Variants in MCF2L2 observed in about 807,000 individuals in gnomAD.
The protein encoded by MCF2L2 is MCF.2 cell line derived transforming sequence-like 2.
MCF2L2 carries 102 observed loss-of-function variants against 150.2 expected under a neutral mutation model. The observed-to-expected ratio is 0.68, with a 90% confidence interval of 0.58 to 0.80. The LOEUF is 0.80. Ranked by LOEUF, MCF2L2 falls within the 30% of genes least tolerant of loss-of-function variation. The pLI is 0.00. For synonymous variants in MCF2L2, 465 were observed against 491.3 expected, an observed-to-expected ratio of 0.95 and a Z score of 0.71; for missense variants, 1,256 against 1,372.8, an observed-to-expected ratio of 0.91 and a Z score of 1.34.
intron 25 of MCF2L2, among the ~76,000 whole-genome samples, chr3:183,195,759 C>T (rs75679834): frequency 1.7e-4 from 26 of 152,112 alleles, no homozygotes; most frequent in African/African-American, 5.6e-4. Flanking sequence ...TTCCTCGGCC[C>T]GATATTTGAG....
chr3:183,220,483 T>C (rs1279388190), intron 20 of MCF2L2, among the ~76,000 whole-genome samples: 1 of 152,216 alleles, frequency 6.6e-6, no homozygotes, highest in African/African-American at 2.4e-5. Flanking sequence ...CCCCTTATCA[T>C]TAAACATTTA....
chr3:183,397,483 A>C (rs7642106), intron 1 of MCF2L2, among the ~76,000 whole-genome samples: 67,431 of 152,088 alleles, frequency 0.44, 15,741 homozygotes, highest in African/African-American at 0.61. Context: ...TGTCCACCTC[A>C]CAGAGGCCCC....
rs559595357 is a variant in MCF2L2, at chr3:183,323,228, T to C, written c.603+7A>G. 6.3e-7 allele frequency: 1 copy of C among 1,582,886 alleles called. No homozygotes were observed. Among genetic ancestry groups the C allele is most frequent in the East Asian group, 2.2e-5 (1 of 44,570 alleles). ...ACAGTGAAAAGCACACGTAAGCTGG[T>C]ACTCACAGTGCGGTGATTTACCCAC... On this transcript the variant is annotated splice_region_variant and intron_variant, in intron 6 of 29. Transcript: ENST00000328913.
chr3:183,263,548 C>T (rs1336612465), intron 15 of MCF2L2, among the ~76,000 whole-genome samples: 2 of 152,018 alleles, frequency 1.3e-5, no homozygotes, highest in East Asian at 1.9e-4. Context: ...TCTCCTTCTC[C>T]GGAGTTTATT....
intron 10 of MCF2L2, among the ~76,000 whole-genome samples, chr3:183,306,715 T>C (rs900041516): frequency 2.0e-5 from 3 of 152,254 alleles, no homozygotes; most frequent in African/African-American, 7.2e-5. Context: ...ATTGTGCCAG[T>C]CTATCTGCTT....
intron 15 of MCF2L2, among the ~76,000 whole-genome samples, chr3:183,257,146 G>GA (rs1312416853): frequency 6.6e-6 from 1 of 152,138 alleles, no homozygotes; most frequent in Non-Finnish European, 1.5e-5. Context: ...TGCACAGATG[G>GA]AACATCTAAT....
chr3:183,395,651 G>A (rs1350491394), intron 1 of MCF2L2, among the ~76,000 whole-genome samples: 3 of 152,158 alleles, frequency 2.0e-5, no homozygotes, highest in Non-Finnish European at 2.9e-5. Context: ...GGGTGCAGTG[G>A]CTCATGCCTG....
intron 2 of MCF2L2, among the ~76,000 whole-genome samples, chr3:183,387,232 C>T (rs1306701530): frequency 1.3e-5 from 2 of 149,802 alleles, no homozygotes; most frequent in African/African-American, 2.5e-5. Flanking sequence ...GCCACTGCAC[C>T]CCAGCCTGGG....
At chr3:183,210,986 T>G (rs1047266978) in intron 22 of MCF2L2, among the ~76,000 whole-genome samples, 4 of 151,708 alleles carry the variant, frequency 2.6e-5, no homozygotes, top group African/African-American at 9.7e-5. Context: ...CAGGAGGAAG[T>G]GGTGACCAGC....
chr3:183,182,167 G>A (rs1576902870), intron 27 of MCF2L2, among the ~76,000 whole-genome samples: 1 of 152,126 alleles, frequency 6.6e-6, no homozygotes, highest in African/African-American at 2.4e-5. Context: ...GCCTCCAGGC[G>A]AGGATTTGCC....
chr3:183,274,668 G>A (rs1577013448), intron 15 of MCF2L2, among the ~76,000 whole-genome samples: 1 of 152,080 alleles, frequency 6.6e-6, no homozygotes, highest in Admixed American at 6.6e-5. Context: ...CTATATTTGG[G>A]GACTTTAATT....
rs1231674909 is a variant in MCF2L2, at chr3:183,216,210, G to A, written c.2371-116C>T. ...CCAGCCAACCCTGACTGAGAAGGGT[G>A]GATATTGATCTGTCTCCCTGCTCCC... On this transcript the variant is annotated intron_variant, in intron 21 of 29. Coordinates refer to ENST00000328913, the MANE Select transcript of MCF2L2 (RefSeq NM_015078.4). 6.3e-6 allele frequency: 7 copies of A among 1,114,830 alleles called. No individual in the cohort carries two copies. In the Admixed American group the frequency reaches 8.2e-5, roughly 13 times the overall value. 69.1% of individuals were successfully genotyped at this position (1,114,830 alleles called of 1,614,324 possible).
At chr3:183,201,257 A>G (rs1407557256) in intron 25 of MCF2L2, among the ~76,000 whole-genome samples, 1 of 152,190 alleles carries the variant, frequency 6.6e-6, no homozygotes, top group Non-Finnish European at 1.5e-5. Flanking sequence ...CCTATCCATG[A>G]GCATGGAATG....
chr3:183,369,210 G>T (rs554450681), intron 3 of MCF2L2, among the ~76,000 whole-genome samples: 2 of 152,088 alleles, frequency 1.3e-5, no homozygotes, highest in African/African-American at 2.4e-5. Flanking sequence ...AGTCTTACAC[G>T]CCTCGTTATC....
At position 183,227,800 on chromosome 3, in the gene MCF2L2, AG is replaced by A. The variant is rs1299285697; in HGVS notation, c.2115+496del. On this transcript the variant is annotated intron_variant, in intron 18 of 29. Coordinates refer to ENST00000328913, the MANE Select transcript of MCF2L2 (RefSeq NM_015078.4). The surrounding 1 kb of genome is among the most constrained non-coding windows in gnomAD (Gnocchi z 4.0). ...AGGCCAACTCATGTTTTCCATTCAA[AG>A]GGCAGATACAAGATATACTGTCTTG... 1.3e-5 allele frequency: 2 copies of A among 152,410 alleles called. No homozygotes were observed. The highest frequency in any genetic ancestry group is 4.8e-5 in the African/African-American group (2 of 41,452). 9.4% of individuals were successfully genotyped at this position (152,410 alleles called of 1,614,324 possible).
chr3:183,308,245 C>A (rs1005230438), intron 10 of MCF2L2, among the ~76,000 whole-genome samples: 10 of 152,098 alleles, frequency 6.6e-5, no homozygotes, highest in African/African-American at 2.2e-4. Context: ...GAATAAATAA[C>A]CCTCTGGATA....
In MCF2L2 at chr3:183,418,110, C is replaced by T. The variant is rs145372381; in HGVS notation, c.76+9792G>A. ...GGCTGAGGCAGAAGAATCACTTGGA[C>T]CCAGGAGGCAGAGGTTGCAGTGAGC... On this transcript the variant is annotated intron_variant, in intron 1 of 29. Coordinates refer to ENST00000328913, the MANE Select transcript of MCF2L2 (RefSeq NM_015078.4). Among the ~76,000 whole-genome samples, 461 of 152,248 alleles carry T rather than the reference C, an allele frequency of 3.0e-3. 3 individuals carry two copies. The highest frequency in any genetic ancestry group is 0.011 in the African/African-American group (438 of 41,526).
At position 183,179,660 on chromosome 3, in the gene MCF2L2, G is replaced by T; in HGVS notation, c.3138C>A (p.His1046Gln). ...LAGLFQSDDS[H>Q]ETCSSKSAFL... ...AAGCAGATTTGGAGGAACAGGTTTC[G>T]TGACTGTCGTCCGACTGGAAAAGGC... Residue 1046 changes from histidine (H) to glutamine (Q), a missense_variant, in exon 29 of 30, where the codon CAC becomes CAA. Physicochemically the swap from His to Gln is conservative, Grantham distance 24 (BLOSUM62 0). Transcript: ENST00000328913. The surrounding 1 kb of genome is among the most constrained non-coding windows in gnomAD (Gnocchi z 4.2). 1 of 1,614,080 alleles carries T rather than the reference G, an allele frequency of 6.2e-7. No individual in the cohort carries two copies. The highest frequency in any genetic ancestry group is 8.5e-7 in the Non-Finnish European group (1 of 1,179,984).
rs1576999266 is a variant in MCF2L2 at position 183,267,651 on chromosome 3, T to C, written c.1862+9221A>G. On this transcript the variant is annotated intron_variant, in intron 15 of 29. Transcript: ENST00000328913. The surrounding 1 kb of genome is among the most constrained non-coding windows in gnomAD (Gnocchi z 5.5). ...TCCTGTCCAAAGCCCAGGAAACTAA[T>C]GTACCACCCCCGAGGAAGAGAGCCT... Among the ~76,000 whole-genome samples the C allele has an allele frequency of 6.6e-6, 1 of 152,228 alleles. No homozygotes were observed. Among genetic ancestry groups the C allele is most frequent in the Non-Finnish European group, 1.5e-5 (1 of 68,038 alleles).
Sources: gnomAD v4.1 joint callset for allele counts (sites outside exome capture counted in the v4.1 genomes callset) on GRCh38, gnomAD v4.1.1 for gene constraint, Gnocchi (gnomAD v3.1) non-coding constraint, MANE v1.5 for transcripts, NCBI Gene and HGNC (gene_info 2026-07-23, HGNC 2026-07-21) for gene names.